The following BMPR1A variants were observed in gnomAD, a reference collection of about 807,000 sequenced individuals.
BMPR1A encodes bone morphogenetic protein receptor type 1A, also known as bone morphogenetic protein receptor type-1A.
BMPR1A carries 7 observed loss-of-function variants against 66.0 expected under a neutral mutation model. That is an observed-to-expected ratio of 0.11 (90% CI 0.06 to 0.20). BMPR1A has a LOEUF of 0.20. BMPR1A is among the 10% of genes least tolerant of loss of function. The pLI is 1.00. For synonymous variants in BMPR1A, 200 were observed against 229.7 expected, an observed-to-expected ratio of 0.87 and a Z score of 1.17; for missense variants, 408 against 669.1, an observed-to-expected ratio of 0.61 and a Z score of 4.31.
intron 1 of BMPR1A, among the ~76,000 whole-genome samples, chr10:86,836,126 A>G (rs1401993685): frequency 2.0e-5 from 3 of 152,192 alleles, no homozygotes; most frequent in African/African-American, 7.2e-5. Flanking sequence ...TTTGACTAAC[A>G]CCCCTGGTGG....
rs1411121266 is a variant in BMPR1A, at chr10:86,925,738, T to TTTTTTTTTTTTTTGTTG, written c.*2019_*2020insTTTTTTTTTTTTTGTTG. The TTTTTTTTTTTTTTGTTG allele has an allele frequency of 6.5e-6, 1 of 152,750 alleles. No individual in the cohort carries two copies. The highest frequency in any genetic ancestry group is 6.8e-5 in the Admixed American group (1 of 14,606). The allele number at this position is 152,750 out of a possible 1,614,324, so 9.5% of individuals were successfully genotyped here. ...TTTGTCATCTTTTTTTTTTTTTTTTTGAGACGGAGTCTCGCTCTGTCGCCC... is the reference window on the plus strand; with the variant it reads ...TTTGTCATCTTTTTTTTTTTTTTTTTTTTTTTTTTTTTTGTTGGAGACGGAGTCTCGCTCTGTCGCCC... On this transcript the variant is annotated 3_prime_UTR_variant, in exon 13 of 13. Coordinates refer to ENST00000372037, the MANE Select transcript of BMPR1A (RefSeq NM_004329.3).
intron 2 of BMPR1A, among the ~76,000 whole-genome samples, chr10:86,868,704 G>A (rs554931832): frequency 6.6e-6 from 1 of 151,970 alleles, no homozygotes; most frequent in Non-Finnish European, 1.5e-5. Flanking sequence ...CAACGGTGGG[G>A]GGCTTAACAG....
At chr10:86,830,738 A>G (rs1365532457) in intron 1 of BMPR1A, among the ~76,000 whole-genome samples, 1 of 152,056 alleles carries the variant, frequency 6.6e-6, no homozygotes, top group Non-Finnish European at 1.5e-5. Flanking sequence ...TATCACATAT[A>G]TTGTTAGCAA....
intron 1 of BMPR1A, among the ~76,000 whole-genome samples, chr10:86,812,329 T>A (rs1841982707): frequency 6.6e-6 from 1 of 152,184 alleles, no homozygotes; most frequent in African/African-American, 2.4e-5. Flanking sequence ...GTCATCCAGG[T>A]TGTTGCATGT....
chr10:86,885,929 G>A (rs551951923), intron 3 of BMPR1A, among the ~76,000 whole-genome samples: 4 of 152,320 alleles, frequency 2.6e-5, no homozygotes, highest in African/African-American at 9.6e-5. Context: ...AAAAATTGCT[G>A]TTGATGACAA....
intron 1 of BMPR1A, among the ~76,000 whole-genome samples, chr10:86,793,466 C>T (rs554594085): frequency 2.6e-5 from 4 of 151,496 alleles, no homozygotes. Flanking sequence ...CGGATTCAAG[C>T]GATTCTCCTG....
chr10:86,760,310 A>G (rs571048127), intron 1 of BMPR1A, among the ~76,000 whole-genome samples: 17 of 130,416 alleles, frequency 1.3e-4, no homozygotes, highest in Middle Eastern at 5.2e-3. Context: ...CTGGAGTGCA[A>G]TGGCGTGAGC....
At chr10:86,860,917 C>G (rs1460112319) in intron 2 of BMPR1A, among the ~76,000 whole-genome samples, 1 of 149,276 alleles carries the variant, frequency 6.7e-6, no homozygotes, top group Non-Finnish European at 1.5e-5. Context: ...TCTCGGCTCA[C>G]TGCAAGCTCC....
At chr10:86,906,271 C>T (rs544551505) in intron 7 of BMPR1A, among the ~76,000 whole-genome samples, 2 of 152,020 alleles carry the variant, frequency 1.3e-5, no homozygotes, top group South Asian at 2.1e-4. Context: ...AATGTTTTCC[C>T]TTTATCTTTT....
chr10:86,862,303 A>T (rs1842721685), intron 2 of BMPR1A, among the ~76,000 whole-genome samples: 1 of 152,212 alleles, frequency 6.6e-6, no homozygotes, highest in Non-Finnish European at 1.5e-5. Flanking sequence ...GCAAGGCAGC[A>T]GTCCCGGGGA....
intron 2 of BMPR1A, among the ~76,000 whole-genome samples, chr10:86,860,313 T>G (rs1210111329): frequency 2.6e-5 from 4 of 152,156 alleles, no homozygotes; most frequent in Non-Finnish European, 4.4e-5. Context: ...ATTATATATA[T>G]AAAAACAGTA....
intron 1 of BMPR1A, among the ~76,000 whole-genome samples, chr10:86,818,977 T>C (rs920706082): frequency 6.6e-6 from 1 of 152,322 alleles, no homozygotes; most frequent in South Asian, 2.1e-4. Flanking sequence ...ATACGTTGAA[T>C]GAACCCGAAG....
intron 1 of BMPR1A, among the ~76,000 whole-genome samples, chr10:86,803,495 A>T (rs1841841899): frequency 6.6e-6 from 1 of 152,132 alleles, no homozygotes; most frequent in Non-Finnish European, 1.5e-5. Context: ...TTATAGTTTT[A>T]CATTTTATAT....
chr10:86,884,055 A>G (rs955446809), intron 3 of BMPR1A, among the ~76,000 whole-genome samples: 1 of 151,680 alleles, frequency 6.6e-6, no homozygotes, highest in African/African-American at 2.4e-5. Context: ...TTGTATTTTT[A>G]GTAGGGTTTC....
chr10:86,774,716 A>G (rs1472505593), intron 1 of BMPR1A, among the ~76,000 whole-genome samples: 1 of 152,248 alleles, frequency 6.6e-6, no homozygotes, highest in Non-Finnish European at 1.5e-5. Flanking sequence ...TGAATCAAAC[A>G]GTATATTGAT....
At chr10:86,817,399 A>G (rs1168858313) in intron 1 of BMPR1A, among the ~76,000 whole-genome samples, 1 of 152,140 alleles carries the variant, frequency 6.6e-6, no homozygotes, top group Non-Finnish European at 1.5e-5. Flanking sequence ...TTCAAGGTTT[A>G]TGTTGTGGCA....
chr10:86,897,445 A>G (rs7904228), intron 5 of BMPR1A, among the ~76,000 whole-genome samples: 6,061 of 152,264 alleles, frequency 0.04, 412 homozygotes, highest in African/African-American at 0.14. Flanking sequence ...TGAAGCCACA[A>G]TGGGTCTTTA....
At chr10:86,835,802 A>G (rs10491066) in intron 1 of BMPR1A, among the ~76,000 whole-genome samples, 5,154 of 152,156 alleles carry the variant, frequency 0.034, 203 homozygotes, top group African/African-American at 0.096. Flanking sequence ...ATAATTTTGA[A>G]AACCAAGATG....
chr10:86,808,892 C>T (rs1210246975), intron 1 of BMPR1A, among the ~76,000 whole-genome samples: 1 of 152,140 alleles, frequency 6.6e-6, no homozygotes, highest in Non-Finnish European at 1.5e-5. Context: ...AGTAATCTTT[C>T]GTTTCTCTGA....
Sources: allele counts gnomAD v4.1 joint callset (sites outside exome capture counted in the v4.1 genomes callset), GRCh38; gene constraint gnomAD v4.1.1; transcripts MANE v1.5; gene names NCBI Gene and HGNC (gene_info 2026-07-23, HGNC 2026-07-21).